MAMDC4: variants seen among roughly 807,000 people sequenced by gnomAD.
The protein encoded by MAMDC4 is apical endosomal glycoprotein.
MAMDC4 carries 168 observed loss-of-function variants against 153.3 expected under a neutral mutation model. That is an observed-to-expected ratio of 1.10 (90% CI 0.97 to 1.25). The LOEUF is 1.25. MAMDC4 is among the 50% of genes most tolerant of loss of function. The probability of loss-of-function intolerance (pLI) is 0.00; values close to 1 mark genes in which losing one functional copy is unlikely to be tolerated. For synonymous variants in MAMDC4, 744 were observed against 651.5 expected (o/e 1.14, Z -2.16); for missense variants, 1,701 against 1,542.8 (o/e 1.10, Z -1.72).
chr9:136,857,284 C>T lies in MAMDC4; in HGVS notation c.2092C>T (p.His698Tyr), dbSNP rs756859393. 8.7e-6 allele frequency: 14 copies of T among 1,603,058 alleles called. No individual in the cohort carries two copies. The South Asian group carries it at 1.4e-4, about 17-fold the overall frequency. ...CACCCTTTCCCACCAGCCTGGCTCC[C>T]ATGCCCAGTACCAGGTGAGGCCTGG... ...WATLSHQPGS[H>Y]AQYQLLFEGL... is the part of the protein sequence containing the mutation. The change falls in exon 17 of 27, where the codon CAT becomes TAT. Residue 698 changes from histidine (H) to tyrosine (Y), a missense_variant. By Grantham distance (83) the His-to-Tyr change is moderately conservative. Transcript: ENST00000317446.
At position 136,860,069 on chromosome 9, in the gene MAMDC4, G is replaced by C. The variant is rs1461939070; in HGVS notation, c.3372+5G>C. On this transcript the variant is annotated splice_donor_5th_base_variant and intron_variant, in intron 26 of 26. Transcript: ENST00000317446. ...GACAACATCCTTTTCAATGCGGTAGGAGCCCCTGGGGATGGGTGGGCAGGA... is the reference window on the plus strand; with the variant it reads ...GACAACATCCTTTTCAATGCGGTAGCAGCCCCTGGGGATGGGTGGGCAGGA... 1 of 1,555,238 alleles carries C rather than the reference G, an allele frequency of 6.4e-7. No homozygotes were observed. Among genetic ancestry groups the C allele is most frequent in the Non-Finnish European group, 8.7e-7 (1 of 1,149,336 alleles).
intron 25 of MAMDC4, 125 bp downstream of exon 25, chr9:136,859,442 G>A (rs181234533): frequency 1.1e-6 from 1 of 880,118 alleles, no homozygotes; most frequent in East Asian, 2.7e-5. Context: ...GACAGGACAA[G>A]AGAGCTGCCA....
In MAMDC4 at chr9:136,855,846, C is replaced by T. The variant is rs1405217576; in HGVS notation, c.1586C>T (p.Ala529Val). The change falls in exon 13 of 27, where the codon GCT becomes GTT. Residue 529 changes from alanine (A) to valine (V), a missense_variant and splice_region_variant. Coordinates refer to ENST00000317446, the MANE Select transcript of MAMDC4 (RefSeq NM_206920.3). ...QESQGSSAAAAGHFLSLQRAW... is the reference protein window; with the variant it reads ...QESQGSSAAAVGHFLSLQRAW... Reference sequence around the variant, plus strand: ...AGCCAGGGGTCCAGTGCAGCTGCTGCTGGTGAGGCCCAAGGCCCAAGGCTC... The same window carrying T: ...AGCCAGGGGTCCAGTGCAGCTGCTGTTGGTGAGGCCCAAGGCCCAAGGCTC... 2.0e-6 allele frequency: 3 copies of T among 1,503,580 alleles called. No individual in the cohort carries two copies. Among genetic ancestry groups the T allele is most frequent in the Non-Finnish European group, 2.7e-6 (3 of 1,125,306 alleles). The allele number at this position is 1,503,580 out of a possible 1,614,324, so 93.1% of individuals were successfully genotyped here. A position where few individuals can be genotyped will look rare whatever the true frequency, so the allele number is the denominator to read the frequency against.
At position 136,860,584 on chromosome 9, in the gene MAMDC4, C is replaced by T; in HGVS notation, c.3395C>T (p.Ser1132Phe). Residue 1132 changes from serine (S) to phenylalanine (F), a missense_variant, in exon 27 of 27, where the codon TCT becomes TTT. Coordinates refer to ENST00000317446, the MANE Select transcript of MAMDC4 (RefSeq NM_206920.3). The stretch of plus-strand genomic sequence containing the variant: ...TAGGATGGTGTCACCCTCCCGGCAT[C>T]TGTCACCAGTGATCCGTAGACCACC... ...FNADGVTLPASVTSDP is the reference protein window; with the variant it reads ...FNADGVTLPAFVTSDP The T allele has an allele frequency of 6.2e-7, 1 of 1,613,170 alleles. No individual in the cohort carries two copies. Among genetic ancestry groups the T allele is most frequent in the Non-Finnish European group, 8.5e-7 (1 of 1,179,890 alleles).
At position 136,855,853 on chromosome 9, in the gene MAMDC4, G is replaced by A. The variant is rs1848997141; in HGVS notation, c.1588+5G>A. 6.7e-7 allele frequency: 1 copy of A among 1,482,908 alleles called. No individual in the cohort carries two copies. The highest frequency in any genetic ancestry group is 9.0e-7 in the Non-Finnish European group (1 of 1,115,800). The allele number at this position is 1,482,908 out of a possible 1,614,324, so 91.9% of individuals were successfully genotyped here. A position where few individuals can be genotyped will look rare whatever the true frequency, so the allele number is the denominator to read the frequency against. On this transcript the variant is annotated splice_donor_5th_base_variant and intron_variant, in intron 13 of 26. Transcript: ENST00000317446. ...GGTCCAGTGCAGCTGCTGCTGGTGA[G>A]GCCCAAGGCCCAAGGCTCAAGCCCC...
Position 136,858,986 on chromosome 9 carries a change from G to A in MAMDC4, c.2957-19G>A, listed in dbSNP as rs367863392. 1.7e-4 allele frequency: 259 copies of A among 1,505,010 alleles called. No homozygotes were observed. The highest frequency in any genetic ancestry group is 1.1e-3 in the Middle Eastern group (6 of 5,686). 93.2% of individuals were successfully genotyped at this position (1,505,010 alleles called of 1,614,324 possible). A position where few individuals can be genotyped will look rare whatever the true frequency, so the allele number is the denominator to read the frequency against. On this transcript the variant is annotated intron_variant, in intron 23 of 26. Transcript: ENST00000317446. ...AGCCCCAGGACCCCAGGCCTGACAC[G>A]CCCTGGCCCTGCTCTCAGACAAGGG...
chr9:136,860,076 T>C lies in MAMDC4; in HGVS notation c.3372+12T>C. The C allele has an allele frequency of 6.5e-7, 1 of 1,538,926 alleles. No homozygotes were observed. The highest frequency in any genetic ancestry group is 8.8e-7 in the Non-Finnish European group (1 of 1,141,010). On this transcript the variant is annotated intron_variant, in intron 26 of 26. Transcript: ENST00000317446. ...TCCTTTTCAATGCGGTAGGAGCCCC[T>C]GGGGATGGGTGGGCAGGAGCCTCTG... is the stretch of plus-strand genomic sequence containing the variant.
chr9:136,859,859 G>A (rs748724480), intron 25 of MAMDC4, 27 bp from the exon 26 acceptor site: 3 of 1,610,366 alleles, frequency 1.9e-6, no homozygotes, highest in East Asian at 2.2e-5. Context: ...CTGCTTTGGA[G>A]GGCTCACATG....
intron 26 of MAMDC4, 87 bp from the exon 27 acceptor site, chr9:136,860,475 C>G (rs979027096): frequency 2.9e-6 from 4 of 1,400,228 alleles, no homozygotes; most frequent in East Asian, 2.5e-5. Flanking sequence ...GAGCGAAGAT[C>G]GTGCCATTGC....
At chr9:136,855,171 C>A in intron 10 of MAMDC4, 61 bp downstream of exon 10, 1 of 1,571,222 alleles carries the variant, frequency 6.4e-7, no homozygotes. Flanking sequence ...GAGGGGAACC[C>A]ACAAGGTACC....
chr9:136,854,898 G>A lies in MAMDC4; in HGVS notation c.1024-39G>A, dbSNP rs762690787. The A allele has an allele frequency of 8.1e-6, 13 of 1,612,418 alleles. No individual in the cohort carries two copies. The South Asian group carries it at 1.2e-4, about 15-fold the overall frequency. On this transcript the variant is annotated intron_variant, in intron 9 of 26. Transcript: ENST00000317446. ...GGCCTCCCTGCTCTCCGTGCTGGCTGCCCCGGTGCAGGCCCCCAGCCAGCT... is the reference window on the plus strand; with the variant it reads ...GGCCTCCCTGCTCTCCGTGCTGGCTACCCCGGTGCAGGCCCCCAGCCAGCT...
Position 136,860,559 on chromosome 9 carries a change from T to C in MAMDC4, c.3373-3T>C, listed in dbSNP as rs1445571643. The C allele has an allele frequency of 1.2e-6, 2 of 1,612,126 alleles. No homozygotes were observed. Among genetic ancestry groups the C allele is most frequent in the Non-Finnish European group, 1.7e-6 (2 of 1,179,714 alleles). On this transcript the variant is annotated splice_polypyrimidine_tract_variant and splice_region_variant and intron_variant, in intron 26 of 26. Coordinates refer to ENST00000317446, the MANE Select transcript of MAMDC4 (RefSeq NM_206920.3). ...AAAAAAAAGCTCCTCTTCCTCCTCC[T>C]AGGATGGTGTCACCCTCCCGGCATC...
intron 26 of MAMDC4, 46 bp from the exon 27 acceptor site, chr9:136,860,516 C>G: frequency 6.3e-7 from 1 of 1,579,478 alleles, no homozygotes; most frequent in Middle Eastern, 1.7e-4. Context: ...AGCGAAACTC[C>G]GTCTCAGGAA....
chr9:136,858,254 G>A lies in MAMDC4; in HGVS notation c.2652G>A (p.Gln884=), dbSNP rs1238810660. Residue 884 remains glutamine (Q), a synonymous_variant, in exon 21 of 27, where the codon CAG becomes CAA. Coordinates refer to ENST00000317446, the MANE Select transcript of MAMDC4 (RefSeq NM_206920.3). ...TGGCTCTGGATGATCTGCTCCTCCA[G>A]GACGGGCCCTGCCCTCAGCCAGGTG... is the stretch of plus-strand genomic sequence containing the variant. ...SYVALDDLLL[Q]DGPCPQPGSC... 2 of 1,601,800 alleles carry A rather than the reference G, an allele frequency of 1.2e-6. No individual in the cohort carries two copies. The highest frequency in any genetic ancestry group is 3.4e-5 in the Admixed American group (2 of 59,698).
In MAMDC4 at chr9:136,856,754, G is replaced by A. The variant is rs1564387465; in HGVS notation, c.1765G>A (p.Gly589Ser). 1 of 1,612,370 alleles carries A rather than the reference G, an allele frequency of 6.2e-7. No homozygotes were observed. The highest frequency in any genetic ancestry group is 1.1e-5 in the South Asian group (1 of 90,994). Residue 589 changes from glycine (G) to serine (S), a missense_variant, in exon 15 of 27, where the codon GGC becomes AGC. Transcript: ENST00000317446. ...FERDTCSWYP[G>S]HLSDTHWRWV... is the part of the protein sequence containing the mutation. Reference sequence around the variant, plus strand: ...GCGGGACACATGCAGCTGGTACCCAGGCCACCTCTCAGACACACACTGGCG... The same window carrying A: ...GCGGGACACATGCAGCTGGTACCCAAGCCACCTCTCAGACACACACTGGCG...
chr9:136,857,123 C>A (rs1421181219), intron 16 of MAMDC4, 42 bp from the exon 17 acceptor site: 6 of 1,607,670 alleles, frequency 3.7e-6, no homozygotes, highest in Non-Finnish European at 4.3e-6. Flanking sequence ...CCCATCAAGG[C>A]ACAGGAGAGA....
At position 136,858,216 on chromosome 9, in the gene MAMDC4, GCA is replaced by G. The variant is rs899052579; in HGVS notation, c.2618_2619del (p.His873LeufsTer7). 1.3e-6 allele frequency: 2 copies of G among 1,598,192 alleles called. No homozygotes were observed. Among genetic ancestry groups the G allele is most frequent in the African/African-American group, 2.7e-5 (2 of 74,880 alleles). ...GTTTGAGGCAGTGGCCGCAGGCGTG[GCA>G]CACTCCTACGTGGCTCTGGATGATC... ...VVFEAVAAGV[A>X]HSYVALDDLL... On this transcript the variant is annotated frameshift_variant, in exon 21 of 27. Transcript: ENST00000317446. LOFTEE classifies it high-confidence loss of function.
At chr9:136,857,925 A>G (rs1849030613) in intron 19 of MAMDC4, 54 bp from the exon 20 acceptor site, 72 of 1,470,526 alleles carry the variant, frequency 4.9e-5, no homozygotes, top group Non-Finnish European at 6.1e-5. Context: ...AGCTCAGACC[A>G]GGGCCTGCAG....
chr9:136,856,219 G>A (rs749595461), intron 14 of MAMDC4, 70 bp downstream of exon 14: 1 of 1,610,596 alleles, frequency 6.2e-7, no homozygotes, highest in South Asian at 1.1e-5. Context: ...GGGGTCTGGG[G>A]CCGGGTGACC....
Sources: gnomAD v4.1 joint callset for allele counts on GRCh38, gnomAD v4.1.1 for gene constraint, MANE v1.5 for transcripts, NCBI Gene and HGNC (gene_info 2026-07-23, HGNC 2026-07-21) for gene names.